Variants in TBKBP1 observed in about 807,000 individuals in gnomAD.
TBKBP1 encodes TANK-binding kinase 1-binding protein 1.
TBKBP1 carries 47 observed loss-of-function variants against 69.9 expected under a neutral mutation model. That is an observed-to-expected ratio of 0.67 (90% CI 0.53 to 0.86). TBKBP1 has a LOEUF of 0.86. TBKBP1 is among the 40% of genes least tolerant of loss of function. TBKBP1 has a pLI of 0.00. For synonymous variants in TBKBP1, 418 were observed against 390.3 expected, an observed-to-expected ratio of 1.07 and a Z score of -0.84; for missense variants, 831 against 858.6, an observed-to-expected ratio of 0.97 and a Z score of 0.40.
intron 4 of TBKBP1, among the ~76,000 whole-genome samples, chr17:47,698,147 G>A (rs573884335): frequency 6.6e-6 from 1 of 152,150 alleles, no homozygotes; most frequent in South Asian, 2.1e-4. Context: ...ATATTTATGT[G>A]GCACTCGGGG....
Position 47,697,204 on chromosome 17 carries a change from G to A in TBKBP1, c.453+11G>A, listed in dbSNP as rs374102880. The stretch of plus-strand genomic sequence containing the variant: ...GAGCTGAGGGAGATGGTGAGGCCTG[G>A]GGAGCCGGAGGTGCTTGAGGATGTG... On this transcript the variant is annotated intron_variant, in intron 4 of 9. Transcript: ENST00000578982. The A allele has an allele frequency of 5.8e-5, 94 of 1,607,608 alleles. 1 individual carries two copies. The Middle Eastern group carries it at 8.2e-4, about 14-fold the overall frequency.
intron 7 of TBKBP1, among the ~76,000 whole-genome samples, chr17:47,701,965 C>T (rs1249195116): frequency 1.3e-5 from 2 of 152,252 alleles, no homozygotes; most frequent in Admixed American, 1.3e-4. Context: ...ATCTCTGCAT[C>T]TGGAGCCAGC....
Position 47,709,453 on chromosome 17 carries a change from G to A in TBKBP1, c.1719+1G>A, listed in dbSNP as rs1044628176. 3.3e-6 allele frequency: 5 copies of A among 1,520,400 alleles called. No homozygotes were observed. Among genetic ancestry groups the A allele is most frequent in the Non-Finnish European group, 4.4e-6 (5 of 1,141,912 alleles). 94.2% of individuals were successfully genotyped at this position (1,520,400 alleles called of 1,614,324 possible). Reference sequence around the variant, plus strand: ...CGCGCAGTCCTGGCCGTCCATCAACGTGAGTGGGGCGCCCGCGTTCCGCCC... The same window carrying A: ...CGCGCAGTCCTGGCCGTCCATCAACATGAGTGGGGCGCCCGCGTTCCGCCC... On this transcript the variant is annotated splice_donor_variant, in intron 9 of 9. Transcript: ENST00000578982. LOFTEE classifies it high-confidence loss of function.
chr17:47,704,898 C>T (rs2031644441), intron 7 of TBKBP1, among the ~76,000 whole-genome samples: 1 of 152,194 alleles, frequency 6.6e-6, no homozygotes. Context: ...TCCTTCCTGC[C>T]AGCTCTGCCA....
rs370724360 is a variant in TBKBP1, at chr17:47,699,539, G to T, written c.810+44G>T. The T allele has an allele frequency of 4.4e-6, 7 of 1,608,334 alleles. No individual in the cohort carries two copies. In the East Asian group the frequency reaches 1.3e-4, roughly 31 times the overall value. ...AACAGCTTCTGGAGGTCCAGGGCTG[G>T]GCCTTCCCCACTGTGTGCAGACTGG... On this transcript the variant is annotated intron_variant, in intron 6 of 9. Coordinates refer to ENST00000578982, the MANE Select transcript of TBKBP1 (RefSeq NM_001394755.1).
rs752435349 is a variant in TBKBP1 at position 47,710,570 on chromosome 17, C to T, written c.1792C>T (p.Pro598Ser). 6.2e-7 allele frequency: 1 copy of T among 1,612,332 alleles called. No homozygotes were observed. The highest frequency in any genetic ancestry group is 1.3e-5 in the African/African-American group (1 of 74,898). The change falls in exon 10 of 10, where the codon CCG becomes TCG. Residue 598 changes from proline to serine, a missense_variant. Coordinates refer to ENST00000578982, the MANE Select transcript of TBKBP1 (RefSeq NM_001394755.1). ...CCAGCTGGGTTTCCCTGTCGGGTAC[C>T]CGGATGATGCCCTCATCAAACACAT... ...LCQLGFPVGY[P>S]DDALIKHIDS...
chr17:47,703,898 A>C (rs4267364), intron 7 of TBKBP1, among the ~76,000 whole-genome samples: 1 of 151,976 alleles, frequency 6.6e-6, no homozygotes, highest in South Asian at 2.1e-4. Context: ...TCAGTAAGAA[A>C]TTCAGTGCAG....
At position 47,698,759 on chromosome 17, in the gene TBKBP1, A is replaced by G. The variant is rs749145009; in HGVS notation, c.618A>G (p.Gly206=). The G allele has an allele frequency of 7.0e-6, 11 of 1,574,928 alleles. No homozygotes were observed. Among genetic ancestry groups the G allele is most frequent in the Middle Eastern group, 1.7e-4 (1 of 5,932 alleles). Residue 206 remains glycine (G), a synonymous_variant, in exon 5 of 10, where the codon GGA becomes GGG. Coordinates refer to ENST00000578982, the MANE Select transcript of TBKBP1 (RefSeq NM_001394755.1). ...LDLHYLALRG[G]SGLSHAGWPG... Reference sequence around the variant, plus strand: ...TGCACTACCTGGCACTGAGAGGGGGATCTGGCTTGAGTCATGGTGAGATCT... The same window carrying G: ...TGCACTACCTGGCACTGAGAGGGGGGTCTGGCTTGAGTCATGGTGAGATCT...
chr17:47,707,599 C>A (rs906493121), intron 7 of TBKBP1, among the ~76,000 whole-genome samples: 1 of 152,194 alleles, frequency 6.6e-6, no homozygotes, highest in East Asian at 1.9e-4. Flanking sequence ...TTGAGAAGTG[C>A]CTGGTGTGAC....
Position 47,709,289 on chromosome 17 carries a change from A to AGCC in TBKBP1, c.1558_1560dup (p.Pro520dup). On this transcript the variant is annotated inframe_insertion, in exon 9 of 10. Transcript: ENST00000578982. ...GGCATCCGGCTGCGCTTCGAGAAGC[A>AGCC]GCCGTCGGAGGAGGACGAGTGGGCT... The AGCC allele has an allele frequency of 6.6e-7, 1 of 1,525,596 alleles. No individual in the cohort carries two copies. The highest frequency in any genetic ancestry group is 1.2e-5 in the South Asian group (1 of 82,490). 94.5% of individuals were successfully genotyped at this position (1,525,596 alleles called of 1,614,324 possible).
chr17:47,709,492 C>T, intron 9 of TBKBP1, 40 bp downstream of exon 9: 1 of 1,461,072 alleles, frequency 6.8e-7, no homozygotes, highest in Non-Finnish European at 9.0e-7. Flanking sequence ...CCGGACCGGG[C>T]CTTGAGATTG....
chr17:47,701,154 C>A (rs933636460), intron 7 of TBKBP1, among the ~76,000 whole-genome samples: 9 of 152,162 alleles, frequency 5.9e-5, no homozygotes, highest in Admixed American at 5.9e-4. Context: ...GGGGATACCC[C>A]TCGCCTACCT....
At position 47,709,377 on chromosome 17, in the gene TBKBP1, C is replaced by G; in HGVS notation, c.1644C>G (p.Gly548=). The change falls in exon 9 of 10, where the codon GGC becomes GGG. Residue 548 remains glycine, a synonymous_variant. Transcript: ENST00000578982. ...TCCGCTGCGCCTCCTTCTGCGCGGG[C>G]TTCCCCATCCCCGAGTCGCCCGCCG... ...GTIRCASFCA[G]FPIPESPAAT... is the part of the protein sequence containing the mutation. 6.5e-7 allele frequency: 1 copy of G among 1,530,522 alleles called. No individual in the cohort carries two copies. Among genetic ancestry groups the G allele is most frequent in the Non-Finnish European group, 8.7e-7 (1 of 1,145,638 alleles). 94.8% of individuals were successfully genotyped at this position (1,530,522 alleles called of 1,614,324 possible).
At position 47,710,495 on chromosome 17, in the gene TBKBP1, C is replaced by T. The variant is rs2031886173; in HGVS notation, c.1720-3C>T. 1 of 1,607,074 alleles carries T rather than the reference C, an allele frequency of 6.2e-7. No individual in the cohort carries two copies. The highest frequency in any genetic ancestry group is 1.1e-5 in the South Asian group (1 of 90,926). ...CATAAGTGACTTCCTTCTCTCTCGA[C>T]AGTTGCTGATGGAGACGGTGGGCTC... On this transcript the variant is annotated splice_region_variant and splice_polypyrimidine_tract_variant and intron_variant, in intron 9 of 9. Transcript: ENST00000578982.
chr17:47,708,721 C>G lies in TBKBP1; in HGVS notation c.992-4C>G. 2 of 1,485,280 alleles carry G rather than the reference C, an allele frequency of 1.3e-6. No individual in the cohort carries two copies. The highest frequency in any genetic ancestry group is 1.8e-6 in the Non-Finnish European group (2 of 1,123,010). The allele number at this position is 1,485,280 out of a possible 1,614,324, so 92.0% of individuals were successfully genotyped here. A position where few individuals can be genotyped will look rare whatever the true frequency, so the allele number is the denominator to read the frequency against. ...CCCCCACCCCGTCCCGGTTTCTCTT[C>G]CAGGCCAGAGGCACTCGCCGCTGTC... On this transcript the variant is annotated splice_region_variant and splice_polypyrimidine_tract_variant and intron_variant, in intron 8 of 9. Transcript: ENST00000578982. This position sits in a 1 kb window ranked among gnomAD's most constrained non-coding sequence, Gnocchi z 4.4.
chr17:47,711,954 C>T lies in TBKBP1; in HGVS notation c.*1328C>T, dbSNP rs1280573800. 2.6e-5 allele frequency: 4 copies of T among 152,708 alleles called. No homozygotes were observed. The highest frequency in any genetic ancestry group is 9.7e-5 in the African/African-American group (4 of 41,436). The allele number at this position is 152,708 out of a possible 1,614,324, so 9.5% of individuals were successfully genotyped here. A position where few individuals can be genotyped will look rare whatever the true frequency, so the allele number is the denominator to read the frequency against. ...ACACGTCATTGTACCCTGAGCGTCC[C>T]CAGGGAGTGGAAATGGGGAAGGGGG... On this transcript the variant is annotated 3_prime_UTR_variant, in exon 10 of 10. Transcript: ENST00000578982.
In TBKBP1 at chr17:47,710,893, A is replaced by C. The variant is rs1597972808; in HGVS notation, c.*267A>C. 1 of 373,778 alleles carries C rather than the reference A, an allele frequency of 2.7e-6. No individual in the cohort carries two copies. 23.2% of individuals were successfully genotyped at this position (373,778 alleles called of 1,614,324 possible). On this transcript the variant is annotated 3_prime_UTR_variant, in exon 10 of 10. Transcript: ENST00000578982. ...ACTTGGGCTGGGATGGGGACGGCAT[A>C]CCCCTCCCAGGCCTCTCCCTCTGCC... is the stretch of plus-strand genomic sequence containing the variant.
chr17:47,704,374 G>A (rs1022148874), intron 7 of TBKBP1, among the ~76,000 whole-genome samples: 3 of 152,194 alleles, frequency 2.0e-5, no homozygotes, highest in Non-Finnish European at 2.9e-5. Flanking sequence ...CCTCCCCGCC[G>A]GCCCGCAACC....
At position 47,709,262 on chromosome 17, in the gene TBKBP1, A is replaced by C. The variant is rs578127897; in HGVS notation, c.1529A>C (p.Glu510Ala). The change falls in exon 9 of 10, where the codon GAG (glutamate) becomes GCG (alanine). Residue 510 changes from glutamate to alanine, a missense_variant. By Grantham distance (107) the Glu-to-Ala change is moderately radical (BLOSUM62 -1). Coordinates refer to ENST00000578982, the MANE Select transcript of TBKBP1 (RefSeq NM_001394755.1). ...GRPLSPRRAF[E>A]GIRLRFEKQP... ...CCCCTCAGCCCGCGGCGCGCCTTCG[A>C]GGGCATCCGGCTGCGCTTCGAGAAG... 1 of 1,522,220 alleles carries C rather than the reference A, an allele frequency of 6.6e-7. No homozygotes were observed. The highest frequency in any genetic ancestry group is 1.4e-5 in the African/African-American group (1 of 70,154). The allele number at this position is 1,522,220 out of a possible 1,614,324, so 94.3% of individuals were successfully genotyped here.
Sources: gnomAD v4.1 joint callset for allele counts (sites outside exome capture counted in the v4.1 genomes callset) on GRCh38, gnomAD v4.1.1 for gene constraint, Gnocchi (gnomAD v3.1) non-coding constraint, MANE v1.5 for transcripts, NCBI Gene and HGNC (gene_info 2026-07-23, HGNC 2026-07-21) for gene names.